Variants in FIRRM observed in about 807,000 individuals in gnomAD.
The protein encoded by FIRRM is FIGNL1 interacting regulator of recombination and mitosis.
chr1:169,826,876 C>T, the FIRRM span, among the ~76,000 whole-genome samples: 1 of 152,084 alleles, frequency 6.6e-6, no homozygotes, highest in African/African-American at 2.4e-5. Flanking sequence ...AGATCTTGAT[C>T]CAATTCTGGT....
the FIRRM span, chr1:169,792,894 C>A: frequency 6.2e-7 from 1 of 1,614,072 alleles, no homozygotes; most frequent in South Asian, 1.1e-5. Flanking sequence ...GACCACTCAC[C>A]AGAAAAAAAT....
At chr1:169,795,540 T>C in the FIRRM span, 2 of 1,078,988 alleles carry the variant, frequency 1.9e-6, no homozygotes, top group Admixed American at 4.8e-5. Context: ...ATACTTTTGC[T>C]AGTGGATAAT....
At chr1:169,842,541 T>G in the FIRRM span, 2 of 1,613,124 alleles carry the variant, frequency 1.2e-6, no homozygotes, top group Non-Finnish European at 1.7e-6. Context: ...ATTAAACAGG[T>G]AAGGAAAGCA....
chr1:169,831,923 A>G, the FIRRM span, among the ~76,000 whole-genome samples: 1 of 152,122 alleles, frequency 6.6e-6, no homozygotes, highest in African/African-American at 2.4e-5. Context: ...TGCCCAGCTG[A>G]TTTTTAAAAC....
the FIRRM span, chr1:169,850,400 A>G: frequency 7.0e-6 from 9 of 1,277,462 alleles, no homozygotes; most frequent in Non-Finnish European, 1.0e-5. Flanking sequence ...TTTTTTTCCG[A>G]AATTATGTAA....
the FIRRM span, among the ~76,000 whole-genome samples, chr1:169,815,714 C>T: frequency 6.6e-6 from 1 of 152,158 alleles, no homozygotes; most frequent in African/African-American, 2.4e-5. Flanking sequence ...CTATCTCATC[C>T]TGTGACTTAG....
chr1:169,793,905 G>GA, the FIRRM span: 11,403 of 219,066 alleles, frequency 0.052, 6 homozygotes, highest in East Asian at 0.067. Context: ...GCTCTGGAAA[G>GA]AAAAAAAAAA....
At chr1:169,837,030 T>C in the FIRRM span, 1 of 1,613,816 alleles carries the variant, frequency 6.2e-7, no homozygotes, top group South Asian at 1.1e-5. Context: ...GAACAAACTG[T>C]CCATGAGGTC....
At chr1:169,803,038 TA>T in the FIRRM span, 1 of 807,890 alleles carries the variant, frequency 1.2e-6, no homozygotes, top group Non-Finnish European at 1.9e-6. Context: ...TCTGATAGAC[TA>T]AAGTTCTGTG....
At chr1:169,811,151 C>T in the FIRRM span, among the ~76,000 whole-genome samples, 6 of 152,046 alleles carry the variant, frequency 3.9e-5, no homozygotes, top group Admixed American at 1.3e-4. Context: ...TGAGCCACCG[C>T]GCCCGGCCTG....
chr1:169,843,422 C>G, the FIRRM span, among the ~76,000 whole-genome samples: 2 of 152,172 alleles, frequency 1.3e-5, no homozygotes, highest in African/African-American at 4.8e-5. Flanking sequence ...GGATTTCAGT[C>G]ACAGCTCTGC....
At chr1:169,826,272 A>G in the FIRRM span, among the ~76,000 whole-genome samples, 1 of 151,186 alleles carries the variant, frequency 6.6e-6, no homozygotes, top group Non-Finnish European at 1.5e-5. Flanking sequence ...AGGTTTCTCC[A>G]TGTTTGTCAG....
At chr1:169,807,938 T>G in the FIRRM span, 1 of 1,599,440 alleles carries the variant, frequency 6.3e-7, no homozygotes, top group Non-Finnish European at 8.5e-7. Context: ...AGGTAAAATT[T>G]GGGCTAATAG....
At chr1:169,809,914 A>G in the FIRRM span, among the ~76,000 whole-genome samples, 2 of 152,332 alleles carry the variant, frequency 1.3e-5, no homozygotes, top group Non-Finnish European at 2.9e-5. Flanking sequence ...TGCTATAACA[A>G]AATCCCTTAA....
chr1:169,832,329 C>T, the FIRRM span: 1 of 814,896 alleles, frequency 1.2e-6, no homozygotes, highest in Non-Finnish European at 2.1e-6. Flanking sequence ...GAAAGAGCTG[C>T]TATTAATATT....
the FIRRM span, among the ~76,000 whole-genome samples, chr1:169,814,173 A>G: frequency 2.0e-5 from 3 of 152,194 alleles, no homozygotes; most frequent in African/African-American, 4.8e-5. Context: ...CAACTTATGC[A>G]GACTTTTTTA....
chr1:169,830,369 T>C, the FIRRM span: 1 of 1,583,458 alleles, frequency 6.3e-7, no homozygotes, highest in Non-Finnish European at 8.7e-7. Flanking sequence ...TTTTGTTCTT[T>C]GGATTGGTTA....
the FIRRM span, chr1:169,804,011 A>G: frequency 1.8e-6 from 2 of 1,096,700 alleles, no homozygotes; most frequent in Non-Finnish European, 2.5e-6. Flanking sequence ...AGTATGAATT[A>G]AAGTAAATTT....
the FIRRM span, chr1:169,837,168 G>A: frequency 7.0e-7 from 1 of 1,436,584 alleles, no homozygotes; most frequent in South Asian, 1.6e-5. Context: ...ATTGAGCATT[G>A]TTTTAGGTAC....
Sources: allele counts gnomAD v4.1 joint callset (sites outside exome capture counted in the v4.1 genomes callset), GRCh38; gene constraint gnomAD v4.1.1; transcripts MANE v1.5; gene names NCBI Gene and HGNC (gene_info 2026-07-23, HGNC 2026-07-21).